GLRA2: variants seen among roughly 807,000 people sequenced by gnomAD.
GLRA2 encodes glycine receptor subunit alpha-2.
GLRA2 carries 11 observed loss-of-function variants against 31.6 expected under a neutral mutation model. That is an observed-to-expected ratio of 0.35 (90% CI 0.22 to 0.58). GLRA2 has a LOEUF of 0.58. Among genes scored for constraint, GLRA2 ranks in the 20% least tolerant of loss-of-function variants. GLRA2 has a pLI of 0.84. For synonymous variants in GLRA2, 132 were observed against 134.0 expected, an observed-to-expected ratio of 0.99 and a Z score of 0.10; for missense variants, 212 against 351.8, an observed-to-expected ratio of 0.60 and a Z score of 3.18.
At chrX:14,683,647 C>G (rs909945225) in intron 7 of GLRA2, among the ~76,000 whole-genome samples, 3 of 111,532 alleles carry the variant, frequency 2.7e-5, no homozygotes, top group African/African-American at 9.8e-5. Flanking sequence ...ATGGTATTGC[C>G]TAGGTTTCCT....
At chrX:14,670,737 G>A (rs1330783185) in intron 7 of GLRA2, among the ~76,000 whole-genome samples, 1 of 111,404 alleles carries the variant, frequency 9.0e-6, no homozygotes, top group Non-Finnish European at 1.9e-5. Context: ...ATAAGATTTG[G>A]GTGGGGACAC....
At chrX:14,532,819 C>A (rs902811554) in intron 2 of GLRA2, among the ~76,000 whole-genome samples, 1 of 111,510 alleles carries the variant, frequency 9.0e-6, no homozygotes, top group Non-Finnish European at 1.9e-5. Flanking sequence ...TACTTTCAGG[C>A]CTCTTTAATT....
chrX:14,722,102 A>C (rs1046108494), intron 8 of GLRA2, among the ~76,000 whole-genome samples: 3 of 111,943 alleles, frequency 2.7e-5, no homozygotes, highest in Non-Finnish European at 1.9e-5. Flanking sequence ...CTATTACTGC[A>C]TAATAAATCA....
chrX:14,686,368 T>G (rs910851538), intron 7 of GLRA2, among the ~76,000 whole-genome samples: 3 of 111,567 alleles, frequency 2.7e-5, no homozygotes, highest in Admixed American at 9.5e-5. Context: ...CTGGATATCC[T>G]TGTTAACTTT....
chrX:14,597,830 G>C (rs1015488593), intron 4 of GLRA2, among the ~76,000 whole-genome samples: 2 of 111,715 alleles, frequency 1.8e-5, no homozygotes, highest in Admixed American at 1.9e-4. Context: ...TTATGACTTT[G>C]GGAACAAAGC....
chrX:14,576,869 G>A (rs1356598329), intron 3 of GLRA2, among the ~76,000 whole-genome samples: 3 of 112,572 alleles, frequency 2.7e-5, no homozygotes, highest in Admixed American at 9.4e-5. Flanking sequence ...GAATTGCATG[G>A]TTAGAAGACT....
chrX:14,478,863 C>A, the GLRA2 span, among the ~76,000 whole-genome samples: 2 of 111,908 alleles, frequency 1.8e-5, no homozygotes, highest in Non-Finnish European at 3.8e-5. Context: ...TTTAAGATGG[C>A]CCCAATATTT....
chrX:14,721,251 A>T (rs1339266993), intron 8 of GLRA2, among the ~76,000 whole-genome samples: 1 of 111,065 alleles, frequency 9.0e-6, no homozygotes, highest in East Asian at 2.8e-4. Flanking sequence ...CGTTTTAGAG[A>T]TGTATTGCAT....
At chrX:14,621,618 G>A (rs1415966329) in intron 7 of GLRA2, among the ~76,000 whole-genome samples, 1 of 110,975 alleles carries the variant, frequency 9.0e-6, no homozygotes, top group Non-Finnish European at 1.9e-5. Context: ...GTGGTGTTTG[G>A]TTTTCTTTCC....
At chrX:14,638,009 G>A (rs954251393) in intron 7 of GLRA2, among the ~76,000 whole-genome samples, 2 of 111,619 alleles carry the variant, frequency 1.8e-5, no homozygotes, top group South Asian at 7.4e-4. Context: ...GGTACTTAGA[G>A]AAGATTTTAC....
At chrX:14,710,068 C>A (rs957423282) in intron 8 of GLRA2, among the ~76,000 whole-genome samples, 2 of 111,816 alleles carry the variant, frequency 1.8e-5, no homozygotes, top group Non-Finnish European at 3.8e-5. Flanking sequence ...TGCTAGAAAC[C>A]TCCTAACACT....
intron 8 of GLRA2, among the ~76,000 whole-genome samples, chrX:14,718,746 C>A (rs72614576): frequency 3.2e-4 from 36 of 111,705 alleles, no homozygotes; most frequent in East Asian, 1.7e-3. Context: ...AGCATGGCAG[C>A]CTCAGGGTAG....
the GLRA2 span, among the ~76,000 whole-genome samples, chrX:14,469,297 A>AT: frequency 1.8e-5 from 2 of 111,595 alleles, no homozygotes; most frequent in Non-Finnish European, 3.8e-5. Context: ...TTATGGTTTT[A>AT]GGTCTAACAT....
chrX:14,459,367 G>C, the GLRA2 span, among the ~76,000 whole-genome samples: 1 of 110,761 alleles, frequency 9.0e-6, no homozygotes, highest in Non-Finnish European at 1.9e-5. Flanking sequence ...CTCTTTTTTG[G>C]TTCCATATGA....
At chrX:14,460,771 T>C in the GLRA2 span, among the ~76,000 whole-genome samples, 1 of 111,594 alleles carries the variant, frequency 9.0e-6, no homozygotes, top group African/African-American at 3.3e-5. Flanking sequence ...GTCTTGCTAG[T>C]GGTCTATCAA....
At chrX:14,580,745 G>A (rs184458067) in intron 3 of GLRA2, among the ~76,000 whole-genome samples, 1 of 111,732 alleles carries the variant, frequency 8.9e-6, no homozygotes, top group Non-Finnish European at 1.9e-5. Flanking sequence ...CTCAAATTAC[G>A]CAGTGGGTTT....
the GLRA2 span, among the ~76,000 whole-genome samples, chrX:14,519,606 C>T: frequency 9.0e-6 from 1 of 111,610 alleles, no homozygotes; most frequent in Non-Finnish European, 1.9e-5. Flanking sequence ...ATATTTGAGG[C>T]TCTAACAAGA....
At chrX:14,480,973 G>A in the GLRA2 span, among the ~76,000 whole-genome samples, 1 of 110,849 alleles carries the variant, frequency 9.0e-6, no homozygotes, top group African/African-American at 3.3e-5. Context: ...GGGCAGTGTG[G>A]CCATTTTAAC....
At chrX:14,452,332 C>T in the GLRA2 span, among the ~76,000 whole-genome samples, 4 of 112,349 alleles carry the variant, frequency 3.6e-5, no homozygotes, top group African/African-American at 1.3e-4. Context: ...CCCAAATTTC[C>T]CTAAAAGTTC....
Sources: gnomAD v4.1 joint callset for allele counts (sites outside exome capture counted in the v4.1 genomes callset) on GRCh38, gnomAD v4.1.1 for gene constraint, MANE v1.5 for transcripts, NCBI Gene and HGNC (gene_info 2026-07-23, HGNC 2026-07-21) for gene names.